Variants in CSMD2 observed in about 807,000 individuals in gnomAD.
CSMD2 encodes the protein CUB and Sushi multiple domains 2.
A neutral mutation model predicts 398.5 loss-of-function variants in CSMD2; 130 were observed. The ratio of observed to expected loss-of-function variants is 0.33; its 90% CI spans 0.28 to 0.38. CSMD2 has a LOEUF of 0.38. Ranked by LOEUF, CSMD2 falls within the 10% of genes least tolerant of loss-of-function variation. The pLI, the probability that CSMD2 is intolerant of heterozygous loss-of-function variation, is 1.00. For missense variants in CSMD2, 3,829 were observed against 4,764.9 expected, an observed-to-expected ratio of 0.80 and a Z score of 5.78; for synonymous variants, 1,828 against 1,908.5, an observed-to-expected ratio of 0.96 and a Z score of 1.10.
chr1:34,048,281 G>A (rs1181107907), intron 2 of CSMD2, among the ~76,000 whole-genome samples: 4 of 152,174 alleles, frequency 2.6e-5, no homozygotes, highest in Non-Finnish European at 5.9e-5. Context: ...CAGGCTTAGT[G>A]ACATCACCCA....
intron 4 of CSMD2, among the ~76,000 whole-genome samples, chr1:33,927,994 C>T (rs182107441): frequency 2.0e-4 from 30 of 152,298 alleles, no homozygotes; most frequent in East Asian, 7.7e-4. Context: ...AAGGGGAAAC[C>T]GCAAGAGACT....
chr1:34,111,982 TTCTCTCTCTCTCTCTCTC>T (rs6143186), intron 1 of CSMD2, among the ~76,000 whole-genome samples: 74 of 149,802 alleles, frequency 4.9e-4, no homozygotes, highest in African/African-American at 1.3e-3. Flanking sequence ...TTCTTTCAAA[TTCTCTCTCTCTCTCTCTC>T]TCTCTCTCTC....
chr1:33,600,987 G>A lies in CSMD2; in HGVS notation c.6734C>T (p.Pro2245Leu), dbSNP rs777836716. The change falls in exon 44 of 71, where the codon CCA becomes CTA. Residue 2245 changes from proline (P) to leucine (L), a missense_variant. Around this residue, in one of 5 missense-constraint regions of CSMD2, gnomAD observed 723 missense variants for 758.6 expected, o/e 0.95. Coordinates refer to ENST00000373381, the MANE Select transcript of CSMD2 (RefSeq NM_001281956.2). ...TIWDGPQQTAPRLGVFTRSMA... is the reference protein window; with the variant it reads ...TIWDGPQQTALRLGVFTRSMA... ...GCTCCGGGTGAAGACGCCGAGCCGTGGTGCTGTTTGCTGTGGCCCATCCCT... is the reference window on the plus strand; with the variant it reads ...GCTCCGGGTGAAGACGCCGAGCCGTAGTGCTGTTTGCTGTGGCCCATCCCT... 1 of 1,614,036 alleles carries A rather than the reference G, an allele frequency of 6.2e-7. No homozygotes were observed. Among genetic ancestry groups the A allele is most frequent in the African/African-American group, 1.3e-5 (1 of 74,900 alleles).
In CSMD2 at chr1:33,724,697, T is replaced by C; in HGVS notation, c.2703A>G (p.Thr901=). The C allele has an allele frequency of 6.2e-7, 1 of 1,613,736 alleles. No individual in the cohort carries two copies. Among genetic ancestry groups the C allele is most frequent in the Non-Finnish European group, 8.5e-7 (1 of 1,179,812 alleles). The change falls in exon 18 of 71, where the codon ACA becomes ACG. Residue 901 remains threonine, a synonymous_variant. Transcript: ENST00000373381. Reference sequence around the variant, plus strand: ...GATCCAGACAGTGGTCTGACTGCAGTGTTATAGCTGAAAGAGAGAGGCCAC... The same window carrying C: ...GATCCAGACAGTGGTCTGACTGCAGCGTTATAGCTGAAAGAGAGAGGCCAC... ...IGFQLRYETI[T]LQSDHCLDPG...
chr1:33,758,085 C>T (rs1010829358), intron 13 of CSMD2, among the ~76,000 whole-genome samples: 2 of 152,374 alleles, frequency 1.3e-5, no homozygotes, highest in African/African-American at 4.8e-5. Context: ...AAAAGACTCT[C>T]AGTGACCTAA....
chr1:34,103,314 T>TTTTTTTTTTTTTTTTC (rs1553316154), intron 1 of CSMD2, among the ~76,000 whole-genome samples: 1 of 114,656 alleles, frequency 8.7e-6, no homozygotes, highest in African/African-American at 3.2e-5. Context: ...TTTTTTTCTT[T>TTTTTTTTTTTTTTTTC]CTGAGCCAGA....
intron 2 of CSMD2, among the ~76,000 whole-genome samples, chr1:34,058,792 G>T (rs527730732): frequency 6.6e-6 from 1 of 152,274 alleles, no homozygotes; most frequent in African/African-American, 2.4e-5. Context: ...CCTGGACCCT[G>T]CTCCCCACAC....
At chr1:33,984,290 G>C (rs1646273354) in intron 3 of CSMD2, among the ~76,000 whole-genome samples, 2 of 152,212 alleles carry the variant, frequency 1.3e-5, no homozygotes, top group South Asian at 4.1e-4. Flanking sequence ...GACTAAGGCA[G>C]TGCTTCTTCA....
At chr1:33,644,300 G>T (rs768604018) in intron 29 of CSMD2, among the ~76,000 whole-genome samples, 3 of 152,218 alleles carry the variant, frequency 2.0e-5, no homozygotes, top group Non-Finnish European at 4.4e-5. Flanking sequence ...GCCACAGGCA[G>T]GTAGGCATGA....
intron 52 of CSMD2, among the ~76,000 whole-genome samples, chr1:33,568,425 G>A (rs1397205527): frequency 6.6e-6 from 1 of 152,126 alleles, no homozygotes; most frequent in African/African-American, 2.4e-5. Context: ...GGCCTCAAAT[G>A]ATCCACCCGC....
chr1:33,597,047 C>T (rs1639887006), intron 44 of CSMD2, among the ~76,000 whole-genome samples: 1 of 152,046 alleles, frequency 6.6e-6, no homozygotes, highest in African/African-American at 2.4e-5. Flanking sequence ...CTTCTAGTTC[C>T]TAAACCATGT....
intron 3 of CSMD2, among the ~76,000 whole-genome samples, chr1:33,939,341 G>C (rs189766623): frequency 3.9e-5 from 6 of 152,260 alleles, no homozygotes; most frequent in African/African-American, 1.4e-4. Context: ...ATAATCCTAT[G>C]CAGGTGTCTT....
In CSMD2 at chr1:33,918,245, G is replaced by C; in HGVS notation, c.769C>G (p.His257Asp). The change falls in exon 5 of 71, where the codon CAC (histidine) becomes GAC (aspartate). Residue 257 changes from histidine to aspartate, a missense_variant. Physicochemically the swap from His to Asp is moderately conservative, Grantham distance 81. Coordinates refer to ENST00000373381, the MANE Select transcript of CSMD2 (RefSeq NM_001281956.2). ...RGQSGIISSP[H>D]FPSEYHNNAD... ...TTGTTATGGTACTCCGAGGGGAAGT[G>C]GGGGCTGGAGATGATGCCACTCTGG... The C allele has an allele frequency of 3.1e-6, 5 of 1,614,154 alleles. No individual in the cohort carries two copies. The highest frequency in any genetic ancestry group is 4.2e-6 in the Non-Finnish European group (5 of 1,180,050).
Position 33,724,077 on chromosome 1 carries a change from T to C in CSMD2, c.3001+120A>G, listed in dbSNP as rs2149201326. On this transcript the variant is annotated intron_variant, in intron 19 of 70. Coordinates refer to ENST00000373381, the MANE Select transcript of CSMD2 (RefSeq NM_001281956.2). ...GAAGTTTTCTTGTTGGTGAGAAAAG[T>C]TCAGACGAAGCCCAGAGGTCACTAT... is the stretch of plus-strand genomic sequence containing the variant. 8 of 700,138 alleles carry C rather than the reference T, an allele frequency of 1.1e-5. No homozygotes were observed. In the East Asian group the frequency reaches 2.0e-4, roughly 17 times the overall value. 43.4% of individuals were successfully genotyped at this position (700,138 alleles called of 1,614,324 possible). A position where few individuals can be genotyped will look rare whatever the true frequency, so the allele number is the denominator to read the frequency against.
In CSMD2 at chr1:34,066,964, A is replaced by C. The variant is rs570689434; in HGVS notation, c.404+22013T>G. On this transcript the variant is annotated intron_variant, in intron 2 of 70. Transcript: ENST00000373381. ...GCAATTCTGCTTGGAAGGGGACAGGATCGATGGTATTGGCAAGCCTGTCAT... is the reference window on the plus strand; with the variant it reads ...GCAATTCTGCTTGGAAGGGGACAGGCTCGATGGTATTGGCAAGCCTGTCAT... Among the ~76,000 whole-genome samples, 32 of 152,212 alleles carry C rather than the reference A, an allele frequency of 2.1e-4. No homozygotes were observed. In the East Asian group the frequency reaches 4.1e-3, roughly 19 times the overall value.
At chr1:33,828,405 G>A (rs1287524568) in intron 6 of CSMD2, among the ~76,000 whole-genome samples, 1 of 152,192 alleles carries the variant, frequency 6.6e-6, no homozygotes, top group Non-Finnish European at 1.5e-5. Context: ...GTGGGTGAGG[G>A]GTCTCTATGA....
Position 33,825,665 on chromosome 1 carries a change from C to A in CSMD2, c.1111+32G>T. 1.9e-6 allele frequency: 3 copies of A among 1,605,002 alleles called. No individual in the cohort carries two copies. In the South Asian group the frequency reaches 3.3e-5, roughly 18 times the overall value. On this transcript the variant is annotated intron_variant, in intron 7 of 70. Transcript: ENST00000373381. ...TGCACGTGTGACCTCAAGCAAGAGGCCCGGCAGGCGGGCTGGCGGGCGGAC... is the reference window on the plus strand; with the variant it reads ...TGCACGTGTGACCTCAAGCAAGAGGACCGGCAGGCGGGCTGGCGGGCGGAC...
chr1:33,958,277 A>T (rs954450230), intron 3 of CSMD2, among the ~76,000 whole-genome samples: 5 of 152,178 alleles, frequency 3.3e-5, no homozygotes, highest in African/African-American at 1.2e-4. Flanking sequence ...TACCTATCAC[A>T]TAGCATTGTT....
intron 3 of CSMD2, among the ~76,000 whole-genome samples, chr1:33,973,047 T>A (rs1645828712): frequency 6.6e-6 from 1 of 152,156 alleles, no homozygotes; most frequent in Non-Finnish European, 1.5e-5. Context: ...GGCCTCAGCC[T>A]CTGACCCCAA....
Sources: allele counts gnomAD v4.1 joint callset (sites outside exome capture counted in the v4.1 genomes callset), GRCh38; gene constraint gnomAD v4.1.1; regional missense constraint gnomAD v4.1.1; transcripts MANE v1.5; gene names NCBI Gene and HGNC (gene_info 2026-07-23, HGNC 2026-07-21).